Variants in RNF130 observed in about 807,000 individuals in gnomAD.
RNF130 encodes the protein ring finger protein 130.
RNF130 carries 21 observed loss-of-function variants against 44.6 expected under a neutral mutation model. The observed-to-expected ratio is 0.47, with a 90% confidence interval of 0.33 to 0.68. RNF130 has a LOEUF of 0.68. Among genes scored for constraint, RNF130 ranks in the 30% least tolerant of loss-of-function variants. The pLI, the probability that RNF130 is intolerant of heterozygous loss-of-function variation, is 0.02. For synonymous variants in RNF130, 214 were observed against 210.4 expected, an observed-to-expected ratio of 1.02 and a Z score of -0.15; for missense variants, 479 against 560.6, an observed-to-expected ratio of 0.85 and a Z score of 1.47.
downstream of RNF130, among the ~76,000 whole-genome samples, chr5:179,951,412 C>G (rs1762123247): frequency 6.7e-6 from 1 of 149,380 alleles, no homozygotes; most frequent in Non-Finnish European, 1.5e-5. Context: ...GAGATGGAGT[C>G]TCGCTTTGTC....
chr5:180,005,603 T>C (rs1763448079), intron 3 of RNF130, among the ~76,000 whole-genome samples: 1 of 152,200 alleles, frequency 6.6e-6, no homozygotes, highest in Non-Finnish European at 1.5e-5. Context: ...TTCAACTCTT[T>C]CATCTCTCTG....
At chr5:179,990,130 G>A (rs1373307622) in intron 3 of RNF130, among the ~76,000 whole-genome samples, 1 of 152,172 alleles carries the variant, frequency 6.6e-6, no homozygotes, top group African/African-American at 2.4e-5. Context: ...CTGGGCCCGG[G>A]GGACCACTAC....
At chr5:180,009,933 TG>T (rs1435740322) in intron 3 of RNF130, among the ~76,000 whole-genome samples, 2 of 152,122 alleles carry the variant, frequency 1.3e-5, no homozygotes, top group Non-Finnish European at 1.5e-5. Context: ...AAGGAATAAA[TG>T]ACTGATACAC....
Position 179,980,378 on chromosome 5 carries a change from T to G in RNF130, c.694-178A>C, listed in dbSNP as rs147258638. ...GCTGTATCAAGATTCAGCATTCTGG[T>G]TGAAAAGTAAAAAGTGTTAGAACAC... is the stretch of plus-strand genomic sequence containing the variant. On this transcript the variant is annotated intron_variant, in intron 3 of 8. Coordinates refer to ENST00000521389, the MANE Select transcript of RNF130 (RefSeq NM_018434.6). 636 of 578,514 alleles carry G rather than the reference T, an allele frequency of 1.1e-3. 6 individuals carry two copies. Among genetic ancestry groups the G allele is most frequent in the African/African-American group, 0.011 (578 of 53,564 alleles). The allele number at this position is 578,514 out of a possible 1,614,324, so 35.8% of individuals were successfully genotyped here. A position where few individuals can be genotyped will look rare whatever the true frequency, so the allele number is the denominator to read the frequency against.
intron 5 of RNF130, among the ~76,000 whole-genome samples, chr5:179,976,048 C>T (rs892296533): frequency 3.9e-5 from 6 of 152,114 alleles, no homozygotes; most frequent in African/African-American, 1.2e-4. Context: ...GAGGGCCAGA[C>T]GTCAGGCTCA....
At chr5:180,064,501 G>A (rs1017772553) in intron 1 of RNF130, among the ~76,000 whole-genome samples, 1 of 152,130 alleles carries the variant, frequency 6.6e-6, no homozygotes, top group Non-Finnish European at 1.5e-5. Context: ...CAGGTCTCTA[G>A]CCATCATTTC....
At chr5:179,987,054 CTT>C (rs755775291) in intron 3 of RNF130, among the ~76,000 whole-genome samples, 24 of 152,114 alleles carry the variant, frequency 1.6e-4, no homozygotes, top group African/African-American at 4.8e-4. Flanking sequence ...TTGGTGAACT[CTT>C]TGTTTTTTTT....
At chr5:179,957,575 T>A (rs2113694544) in intron 8 of RNF130, among the ~76,000 whole-genome samples, 2 of 152,296 alleles carry the variant, frequency 1.3e-5, no homozygotes, top group Middle Eastern at 6.8e-3. Context: ...TCTGAAGTAG[T>A]CAAATGCAAG....
At chr5:179,932,367 C>T (rs1761821339) in intron 7 of RNF130, among the ~76,000 whole-genome samples, 2 of 152,114 alleles carry the variant, frequency 1.3e-5, no homozygotes, top group East Asian at 2.0e-4. Flanking sequence ...AAGCGATTCT[C>T]CTCCCTCAGC....
chr5:179,923,008 A>G (rs557992053), intron 7 of RNF130, among the ~76,000 whole-genome samples: 1 of 152,314 alleles, frequency 6.6e-6, no homozygotes, highest in South Asian at 2.1e-4. Context: ...TTGCCTTGAC[A>G]TTGTTATAAC....
At chr5:180,026,535 G>A (rs997034514) in intron 2 of RNF130, among the ~76,000 whole-genome samples, 1 of 152,202 alleles carries the variant, frequency 6.6e-6, no homozygotes, top group Non-Finnish European at 1.5e-5. Context: ...AGCCTTTCCT[G>A]TCAATGACGT....
At chr5:179,998,738 T>C (rs1419715267) in intron 3 of RNF130, among the ~76,000 whole-genome samples, 1 of 151,688 alleles carries the variant, frequency 6.6e-6, no homozygotes. Flanking sequence ...TAAAGTGCAG[T>C]TTAAACCCAA....
chr5:179,920,172 A>G (rs147385087), exon 8 of RNF130: 172 of 564,088 alleles, frequency 3.0e-4, no homozygotes, highest in African/African-American at 2.9e-3. Flanking sequence ...GGAACTTTGC[A>G]AATTAACCCT....
chr5:179,993,871 A>C (rs1399903676), intron 3 of RNF130, among the ~76,000 whole-genome samples: 9 of 152,230 alleles, frequency 5.9e-5, no homozygotes, highest in Non-Finnish European at 1.2e-4. Context: ...CTAACATTTA[A>C]GTCTTTAATC....
chr5:179,963,628 C>T lies in RNF130; in HGVS notation c.1151-64G>A. ...AAGGTTTAAGTCAAATCGATGCCAA[C>T]ATTTCCCTCAAATGCAACGAAGCAG... On this transcript the variant is annotated intron_variant, in intron 7 of 8. Coordinates refer to ENST00000521389, the MANE Select transcript of RNF130 (RefSeq NM_018434.6). 2.6e-6 allele frequency: 3 copies of T among 1,133,416 alleles called. 1 individual carries two copies. The highest frequency in any genetic ancestry group is 3.7e-5 in the Admixed American group (2 of 54,214). 70.2% of individuals were successfully genotyped at this position (1,133,416 alleles called of 1,614,324 possible). A position where few individuals can be genotyped will look rare whatever the true frequency, so the allele number is the denominator to read the frequency against.
At chr5:180,009,967 G>A (rs1763548684) in intron 3 of RNF130, among the ~76,000 whole-genome samples, 2 of 152,150 alleles carry the variant, frequency 1.3e-5, no homozygotes, top group Admixed American at 6.5e-5. Flanking sequence ...AAGTATCTTG[G>A]CCGGGCGCAG....
At chr5:179,928,636 T>C (rs1359864748) in intron 7 of RNF130, among the ~76,000 whole-genome samples, 1 of 151,558 alleles carries the variant, frequency 6.6e-6, no homozygotes, top group African/African-American at 2.4e-5. Context: ...TTGTTGTTTT[T>C]TTTTTTTTTT....
intron 1 of RNF130, among the ~76,000 whole-genome samples, chr5:180,054,301 C>T (rs982472398): frequency 1.3e-5 from 2 of 152,140 alleles, no homozygotes; most frequent in African/African-American, 4.8e-5. Flanking sequence ...ATGATACAAT[C>T]GCTTTCTTCC....
chr5:179,951,860 A>G (rs1163021923), downstream of RNF130, among the ~76,000 whole-genome samples: 3 of 152,310 alleles, frequency 2.0e-5, no homozygotes, highest in Non-Finnish European at 4.4e-5. Context: ...GAAACCAGAT[A>G]TGAAATAAAA....
Sources: allele counts gnomAD v4.1 joint callset (sites outside exome capture counted in the v4.1 genomes callset), GRCh38; gene constraint gnomAD v4.1.1; transcripts MANE v1.5; gene names NCBI Gene and HGNC (gene_info 2026-07-23, HGNC 2026-07-21).